CPNE8: variants seen among roughly 807,000 people sequenced by gnomAD.
CPNE8 encodes copine 8.
CPNE8 carries 45 observed loss-of-function variants against 81.5 expected under a neutral mutation model. The observed-to-expected ratio is 0.55, with a 90% CI of 0.44 to 0.71. The LOEUF (loss-of-function observed/expected upper bound fraction) is 0.71, where lower values mean the gene tolerates loss of function less well. Ranked by LOEUF, CPNE8 falls within the 30% of genes least tolerant of loss-of-function variation. The pLI is 0.00. For missense variants in CPNE8, 594 were observed against 672.1 expected (o/e 0.88, Z 1.28); for synonymous variants, 252 against 226.3 (o/e 1.11, Z -1.02).
In CPNE8 at chr12:38,654,662, T is replaced by A. The variant is rs529943431; in HGVS notation, c.1507-592A>T. ...ATGTCACTTAATCCTAATAGGCTTA[T>A]TATGTTGCCAAATGTCTTCTGCAGT... On this transcript the variant is annotated intron_variant, in intron 19 of 19. Transcript: ENST00000331366. 3.3e-5 allele frequency among the ~76,000 whole-genome samples: 5 copies of A among 152,300 alleles called. No individual in the cohort carries two copies. In the South Asian group the frequency reaches 1.0e-3, roughly 32 times the overall value.
intron 18 of CPNE8, among the ~76,000 whole-genome samples, chr12:38,673,792 GA>G (rs1939230911): frequency 6.6e-6 from 1 of 151,618 alleles, no homozygotes; most frequent in Non-Finnish European, 1.5e-5. Context: ...AAGATTAGGA[GA>G]AATAACTGAG....
At chr12:38,788,902 A>T (rs951721260) in intron 6 of CPNE8, among the ~76,000 whole-genome samples, 6 of 151,914 alleles carry the variant, frequency 3.9e-5, no homozygotes, top group Admixed American at 3.9e-4. Flanking sequence ...CAAAGAAGTA[A>T]AAGATGACTG....
At chr12:38,729,186 T>C (rs944097032) in intron 11 of CPNE8, among the ~76,000 whole-genome samples, 2 of 152,114 alleles carry the variant, frequency 1.3e-5, no homozygotes, top group Non-Finnish European at 2.9e-5. Context: ...TCAGCCTTGA[T>C]GTTAGGCAGA....
chr12:38,712,595 C>A (rs904119635), intron 13 of CPNE8, among the ~76,000 whole-genome samples: 1 of 152,166 alleles, frequency 6.6e-6, no homozygotes, highest in Non-Finnish European at 1.5e-5. Flanking sequence ...AAAAAATAAT[C>A]TGTATGGGGC....
At chr12:38,772,928 T>TACACAC (rs36058381) in intron 7 of CPNE8, among the ~76,000 whole-genome samples, 2,513 of 150,984 alleles carry the variant, frequency 0.017, 59 homozygotes, top group African/African-American at 0.044. Flanking sequence ...ATAAAATTTA[T>TACACAC]ACACACACAC....
At chr12:38,864,028 TGGACGACAGAGC>T (rs1173631333) in intron 3 of CPNE8, among the ~76,000 whole-genome samples, 10 of 144,988 alleles carry the variant, frequency 6.9e-5, no homozygotes, top group South Asian at 2.1e-4. Flanking sequence ...CACTCCAGCC[TGGACGACAGAGC>T]GAGACTTCAT....
chr12:38,739,955 A>T (rs1486350), intron 10 of CPNE8, among the ~76,000 whole-genome samples: 122,638 of 152,096 alleles, frequency 0.81, 52,416 homozygotes, highest in Middle Eastern at 0.97. Flanking sequence ...GTAATATCTT[A>T]TTCTATACCT....
At chr12:38,717,640 C>T (rs1355509567) in intron 13 of CPNE8, among the ~76,000 whole-genome samples, 6 of 151,272 alleles carry the variant, frequency 4.0e-5, no homozygotes, top group African/African-American at 9.7e-5. Context: ...AATGATACAA[C>T]GGACTTTGGG....
chr12:38,653,674 T>C lies in CPNE8; in HGVS notation c.*208A>G. ...ACATCCATACTTTGCTTCAAGCATT[T>C]AAACAATTTTTTCTGTTGCTCATGC... On this transcript the variant is annotated 3_prime_UTR_variant, in exon 20 of 20. Coordinates refer to ENST00000331366, the MANE Select transcript of CPNE8 (RefSeq NM_153634.3). 1.9e-6 allele frequency: 1 copy of C among 528,708 alleles called. No homozygotes were observed. The allele number at this position is 528,708 out of a possible 1,614,324, so 32.8% of individuals were successfully genotyped here. A position where few individuals can be genotyped will look rare whatever the true frequency, so the allele number is the denominator to read the frequency against.
rs148404187 is a variant in CPNE8 at position 38,888,839 on chromosome 12, T to C, written c.99-14328A>G. ...TCTCCTTCATCCTGCCTTTTTACAA[T>C]TGATTTTTTTTCAACTCAATTAATA... is the stretch of plus-strand genomic sequence containing the variant. On this transcript the variant is annotated intron_variant, in intron 1 of 19. Transcript: ENST00000331366. Among the ~76,000 whole-genome samples, 12 of 152,340 alleles carry C rather than the reference T, an allele frequency of 7.9e-5. No homozygotes were observed. In the East Asian group the frequency reaches 9.7e-4, roughly 12 times the overall value.
At chr12:38,891,449 AT>A (rs745723951) in intron 1 of CPNE8, among the ~76,000 whole-genome samples, 261 of 145,568 alleles carry the variant, frequency 1.8e-3, no homozygotes, top group Middle Eastern at 3.6e-3. Context: ...GTATAAACTA[AT>A]TTTTTTTTTT....
intron 16 of CPNE8, among the ~76,000 whole-genome samples, chr12:38,681,375 G>C (rs566184685): frequency 2.0e-5 from 3 of 151,616 alleles, no homozygotes; most frequent in Admixed American, 2.0e-4. Flanking sequence ...TGATTAATAA[G>C]ATTTAAACAT....
chr12:38,815,292 C>G (rs1051844311), intron 6 of CPNE8, among the ~76,000 whole-genome samples: 4 of 152,174 alleles, frequency 2.6e-5, no homozygotes, highest in Non-Finnish European at 5.9e-5. Context: ...CCCCCCAGCA[C>G]TTACCCTTTC....
At chr12:38,777,737 G>T (rs1941964973) in intron 6 of CPNE8, among the ~76,000 whole-genome samples, 1 of 152,148 alleles carries the variant, frequency 6.6e-6, no homozygotes, top group Non-Finnish European at 1.5e-5. Context: ...GGAACAAGAG[G>T]TTATACCATA....
chr12:38,852,471 G>A (rs1300277853), intron 3 of CPNE8, among the ~76,000 whole-genome samples: 6 of 148,528 alleles, frequency 4.0e-5, no homozygotes, highest in South Asian at 2.1e-4. Context: ...GCGTGGTGGC[G>A]CATGCCTGTA....
chr12:38,679,074 A>G (rs1565564476), intron 16 of CPNE8, among the ~76,000 whole-genome samples: 1 of 151,866 alleles, frequency 6.6e-6, no homozygotes, highest in South Asian at 2.1e-4. Flanking sequence ...AGCATTTCTT[A>G]CTATGATTCA....
At chr12:38,879,788 T>C (rs1483879923) in intron 1 of CPNE8, among the ~76,000 whole-genome samples, 2 of 152,166 alleles carry the variant, frequency 1.3e-5, no homozygotes, top group Non-Finnish European at 2.9e-5. Flanking sequence ...CTATTTGTGA[T>C]CTTTTTAAAG....
intron 6 of CPNE8, among the ~76,000 whole-genome samples, chr12:38,799,948 C>A (rs1288784686): frequency 6.6e-6 from 1 of 150,916 alleles, no homozygotes; most frequent in Non-Finnish European, 1.5e-5. Flanking sequence ...GCTTTTCAGA[C>A]CGGCTTAAGA....
intron 10 of CPNE8, among the ~76,000 whole-genome samples, chr12:38,754,021 G>A (rs1941407620): frequency 6.6e-6 from 1 of 152,178 alleles, no homozygotes; most frequent in South Asian, 2.1e-4. Context: ...AAATCATAAT[G>A]TGTTAGATAT....
Sources: allele counts gnomAD v4.1 joint callset (sites outside exome capture counted in the v4.1 genomes callset), GRCh38; gene constraint gnomAD v4.1.1; transcripts MANE v1.5; gene names NCBI Gene and HGNC (gene_info 2026-07-23, HGNC 2026-07-21).